Variants in PAGE3 observed in about 807,000 individuals in gnomAD.
The protein encoded by PAGE3 is P antigen family member 3.
In PAGE3, 9 loss-of-function variants were observed where a neutral mutation model predicts 3.8. The observed-to-expected ratio is 2.36, with a 90% CI of 1.42 to 4.12. The LOEUF is 4.12. Among genes scored for constraint, PAGE3 ranks in the 30% most tolerant of loss-of-function variants. The probability of loss-of-function intolerance (pLI) is 0.00; values close to 1 mark genes in which losing one functional copy is unlikely to be tolerated. For synonymous variants in PAGE3, 24 were observed against 13.1 expected, an observed-to-expected ratio of 1.83 and a Z score of -1.79; for missense variants, 73 against 37.8, an observed-to-expected ratio of 1.93 and a Z score of -2.44.
At position 55,262,767 on chromosome X, in the gene PAGE3, A is replaced by C. The variant is rs368363617; in HGVS notation, c.193+484T>G. ...TATATCACATACCATATATAGATTT[A>C]TATCTCGATGCAAGCTAGTTTAATC... is the stretch of plus-strand genomic sequence containing the variant. On this transcript the variant is annotated intron_variant, in intron 3 of 4. Coordinates refer to ENST00000374951, the MANE Select transcript of PAGE3 (RefSeq NM_001017931.3). 7.6e-4 allele frequency among the ~76,000 whole-genome samples: 79 copies of C among 103,955 alleles called. No homozygotes were observed. The South Asian group carries it at 0.028, about 37-fold the overall frequency. The allele number at this position is 103,955 out of a possible 115,157, so 90.3% of individuals were successfully genotyped here. A position where few individuals can be genotyped will look rare whatever the true frequency, so the allele number is the denominator to read the frequency against.
chrX:55,262,318 C>T (rs914448180), intron 3 of PAGE3, among the ~76,000 whole-genome samples: 2 of 111,252 alleles, frequency 1.8e-5, no homozygotes, highest in African/African-American at 6.5e-5. Flanking sequence ...AACCAGCTAC[C>T]TATATGCCAA....
At chrX:55,260,084 C>T (rs931144502) in intron 4 of PAGE3, among the ~76,000 whole-genome samples, 5 of 111,072 alleles carry the variant, frequency 4.5e-5, no homozygotes, top group Non-Finnish European at 9.5e-5. Flanking sequence ...TGATTTTGAC[C>T]CATTTTTATA....
At chrX:55,258,556 T>C in intron 4 of PAGE3, 28 bp from the exon 5 acceptor site, 1 of 559,087 alleles carries the variant, frequency 1.8e-6, no homozygotes, top group South Asian at 2.4e-5. Context: ...TAGTTGAGAG[T>C]ATTTTTTAGC....
In PAGE3 at chrX:55,260,518, T is replaced by C; in HGVS notation, c.319+16A>G. On this transcript the variant is annotated intron_variant, in intron 4 of 4. Coordinates refer to ENST00000374951, the MANE Select transcript of PAGE3 (RefSeq NM_001017931.3). ...AACAGAAACCCCATAATTTGCATTT[T>C]TAATGAATAACTTACCTGCTTCTGG... The C allele has an allele frequency of 1.8e-6, 1 of 561,743 alleles. No individual in the cohort carries two copies. The highest frequency in any genetic ancestry group is 3.1e-4 in the Middle Eastern group (1 of 3,199). 46.3% of individuals were successfully genotyped at this position (561,743 alleles called of 1,213,427 possible).
At chrX:55,259,383 A>C (rs1938247546) in intron 4 of PAGE3, among the ~76,000 whole-genome samples, 1 of 110,803 alleles carries the variant, frequency 9.0e-6, no homozygotes, top group Non-Finnish European at 1.9e-5. Flanking sequence ...AAATTCTGGC[A>C]AGTTTTAAAA....
chrX:55,262,766 TA>T (rs1420001624), intron 3 of PAGE3, among the ~76,000 whole-genome samples: 2 of 104,105 alleles, frequency 1.9e-5, no homozygotes, highest in Non-Finnish European at 3.9e-5. Flanking sequence ...TATATAGATT[TA>T]TATCTCGATG....
intron 1 of PAGE3, 45 bp from the exon 2 acceptor site, chrX:55,263,956 A>G (rs1938345401): frequency 1.9e-6 from 1 of 518,146 alleles, no homozygotes; most frequent in South Asian, 2.9e-5. Flanking sequence ...ATAAGAGTGT[A>G]TCATTTGACC....
At chrX:55,259,045 T>A (rs1938242495) in intron 4 of PAGE3, among the ~76,000 whole-genome samples, 1 of 111,970 alleles carries the variant, frequency 8.9e-6, no homozygotes, top group African/African-American at 3.2e-5. Context: ...ACTCTTTATA[T>A]GGTTGTTTTA....
chrX:55,260,961 T>A (rs1423038138), intron 3 of PAGE3, among the ~76,000 whole-genome samples: 1 of 111,991 alleles, frequency 8.9e-6, no homozygotes, highest in Non-Finnish European at 1.9e-5. Context: ...TTTGAGTCTG[T>A]CTAACTAGAT....
chrX:55,263,479 TC>T, intron 2 of PAGE3, 120 bp from the exon 3 acceptor site: 1 of 432,771 alleles, frequency 2.3e-6, no homozygotes. Context: ...GACATTTTTT[TC>T]CTACACAATT....
At position 55,264,701 on chromosome X, in the gene PAGE3, C is replaced by G. The variant is rs911518897; in HGVS notation, c.-164G>C. The G allele has an allele frequency of 8.9e-6, 1 of 112,043 alleles. No individual in the cohort carries two copies. The allele number at this position is 112,043 out of a possible 1,213,427, so 9.2% of individuals were successfully genotyped here. Reference sequence around the variant, plus strand: ...GACGTCGACGGCGAGGCCCTTTTCTCTCAGAAGCCACGGACTGTGGTTTCT... The same window carrying G: ...GACGTCGACGGCGAGGCCCTTTTCTGTCAGAAGCCACGGACTGTGGTTTCT... On this transcript the variant is annotated 5_prime_UTR_variant, in exon 1 of 5. Coordinates refer to ENST00000374951, the MANE Select transcript of PAGE3 (RefSeq NM_001017931.3).
intron 4 of PAGE3, among the ~76,000 whole-genome samples, chrX:55,259,329 A>G (rs1938246800): frequency 9.0e-6 from 1 of 110,776 alleles, no homozygotes; most frequent in South Asian, 3.7e-4. Flanking sequence ...TAAACAAACA[A>G]TAGCTTTTTT....
At chrX:55,260,756 C>A in intron 3 of PAGE3, 97 bp from the exon 4 acceptor site, 1 of 387,108 alleles carries the variant, frequency 2.6e-6, no homozygotes, top group East Asian at 4.4e-5. Flanking sequence ...GAAATAAAAG[C>A]CTATAGGCTA....
At chrX:55,262,732 ATG>A (rs1938310775) in intron 3 of PAGE3, among the ~76,000 whole-genome samples, 1 of 94,468 alleles carries the variant, frequency 1.1e-5, no homozygotes, top group African/African-American at 4.0e-5. Flanking sequence ...ATATATATAT[ATG>A]TAATATATAT....
intron 4 of PAGE3, among the ~76,000 whole-genome samples, chrX:55,259,534 T>C (rs1938249479): frequency 9.0e-6 from 1 of 111,037 alleles, no homozygotes; most frequent in South Asian, 3.8e-4. Context: ...TTTAATTATA[T>C]TACACATTCA....
At chrX:55,262,460 C>G (rs1938304145) in intron 3 of PAGE3, among the ~76,000 whole-genome samples, 1 of 110,744 alleles carries the variant, frequency 9.0e-6, no homozygotes, top group Admixed American at 9.7e-5. Context: ...TATTCCAATG[C>G]CAGTACTGAG....
intron 4 of PAGE3, among the ~76,000 whole-genome samples, chrX:55,258,811 C>A (rs1172345979): frequency 9.1e-6 from 1 of 110,124 alleles, no homozygotes; most frequent in Non-Finnish European, 1.9e-5. Flanking sequence ...TAACTAGAAA[C>A]TAAAAACTGC....
intron 3 of PAGE3, among the ~76,000 whole-genome samples, chrX:55,261,881 A>G (rs1417348428): frequency 9.0e-6 from 1 of 111,728 alleles, no homozygotes; most frequent in Non-Finnish European, 1.9e-5. Flanking sequence ...AGCGTATGAC[A>G]TATCTTATAG....
At position 55,258,492 on chromosome X, in the gene PAGE3, C is replaced by T; in HGVS notation, c.*14G>A. On this transcript the variant is annotated 3_prime_UTR_variant, in exon 5 of 5. Transcript: ENST00000374951. ...AACATAAAGACTGCATGTATGGTTT[C>T]AGCTTGTCTTCATTTAAACCGATGG... is the stretch of plus-strand genomic sequence containing the variant. The T allele has an allele frequency of 1.8e-6, 1 of 563,226 alleles. No homozygotes were observed. Among genetic ancestry groups the T allele is most frequent in the Non-Finnish European group, 3.3e-6 (1 of 306,434 alleles). 46.4% of individuals were successfully genotyped at this position (563,226 alleles called of 1,213,427 possible). A position where few individuals can be genotyped will look rare whatever the true frequency, so the allele number is the denominator to read the frequency against.
Sources: gnomAD v4.1 joint callset for allele counts (sites outside exome capture counted in the v4.1 genomes callset) on GRCh38, gnomAD v4.1.1 for gene constraint, MANE v1.5 for transcripts, NCBI Gene and HGNC (gene_info 2026-07-23, HGNC 2026-07-21) for gene names.